The following ANKRD26 variants were observed in gnomAD, a reference collection of about 807,000 sequenced individuals.
The protein encoded by ANKRD26 is ankyrin repeat domain 26, also known as ankyrin repeat domain-containing protein 26.
ANKRD26 carries 141 observed loss-of-function variants against 208.7 expected under a neutral mutation model. That is an observed-to-expected ratio of 0.68 (90% confidence interval 0.59 to 0.78). The LOEUF (loss-of-function observed/expected upper bound fraction) is 0.78. ANKRD26 is among the 30% of genes least tolerant of loss of function. The pLI, the probability that ANKRD26 is intolerant of heterozygous loss-of-function variation, is 0.00. For synonymous variants in ANKRD26, 636 were observed against 660.4 expected, an observed-to-expected ratio of 0.96 and a Z score of 0.57; for missense variants, 1,889 against 1,938.7, an observed-to-expected ratio of 0.97 and a Z score of 0.48.
intron 16 of ANKRD26, chr10:27,051,438 C>CAGTTAGTGGTAT: frequency 9.2e-7 from 1 of 1,090,164 alleles, no homozygotes; most frequent in Non-Finnish European, 1.1e-6. Flanking sequence ...GTCTAATTTC[C>CAGTTAGTGGTAT]AGTTAGTGGT....
chr10:26,950,644 C>T, the ANKRD26 span, among the ~76,000 whole-genome samples: 11 of 152,264 alleles, frequency 7.2e-5, no homozygotes, highest in Non-Finnish European at 1.3e-4. Flanking sequence ...CCTGCTCCCA[C>T]TTTGCCTTTT....
intron 1 of ANKRD26, among the ~76,000 whole-genome samples, chr10:27,099,555 T>C (rs1483323418): frequency 9.5e-6 from 1 of 105,242 alleles, no homozygotes; most frequent in Non-Finnish European, 2.1e-5. Flanking sequence ...GCTGAGACTA[T>C]TAGAGTTGGG....
rs749036286 is a variant in ANKRD26 at position 27,037,139 on chromosome 10, A to G, written c.2697+47T>C. The G allele has an allele frequency of 2.5e-6, 4 of 1,585,380 alleles. No homozygotes were observed. In the South Asian group the frequency reaches 4.5e-5, roughly 18 times the overall value. On this transcript the variant is annotated intron_variant, in intron 23 of 33. Coordinates refer to ENST00000376087, the MANE Select transcript of ANKRD26 (RefSeq NM_014915.3). ...GTTTTTAAAATATATACACATATAA[A>G]TACATATACACACATATTTGAAAAT...
intron 33 of ANKRD26, 106 bp downstream of exon 33, chr10:27,006,811 G>T: frequency 1.2e-6 from 1 of 841,714 alleles, no homozygotes. Context: ...ATTTAATGTA[G>T]TATCTATTAG....
intron 5 of ANKRD26, chr10:26,994,984 G>A (rs908567137): frequency 1.7e-5 from 8 of 460,208 alleles, no homozygotes; most frequent in Non-Finnish European, 2.7e-5. Context: ...GGAAATCACA[G>A]CATATCCTGC....
intron 12 of ANKRD26, among the ~76,000 whole-genome samples, chr10:27,062,893 AAGTAGCT>A: frequency 6.6e-6 from 1 of 151,518 alleles, no homozygotes; most frequent in East Asian, 1.9e-4. Context: ...TGAGCCTCCC[AAGTAGCT>A]AGGATTACAG....
chr10:26,954,924 TGCGGGATCTATA>T, the ANKRD26 span, among the ~76,000 whole-genome samples: 4 of 150,122 alleles, frequency 2.7e-5, no homozygotes, highest in South Asian at 4.3e-4. Flanking sequence ...AGCTATCAAA[TGCGGGATCTATA>T]GCAGTTTTGT....
intron 29 of ANKRD26, 97 bp from the exon 30 acceptor site, chr10:27,017,889 C>A: frequency 2.6e-6 from 3 of 1,146,132 alleles, no homozygotes; most frequent in Non-Finnish European, 2.5e-6. Flanking sequence ...AATTCAGTTG[C>A]AATAAAATGT....
chr10:27,024,613 C>G (rs1484236052), intron 27 of ANKRD26, 54 bp from the exon 28 acceptor site: 2 of 1,036,684 alleles, frequency 1.9e-6, no homozygotes, highest in Admixed American at 1.8e-5. Context: ...CACTTTTTTT[C>G]TTAAAACTAT....
In ANKRD26 at chr10:27,032,226, C is replaced by T. The variant is rs569017354; in HGVS notation, c.3807+999G>A. Among the ~76,000 whole-genome samples, 52 of 152,250 alleles carry T rather than the reference C, an allele frequency of 3.4e-4. 1 individual carries two copies. Among genetic ancestry groups the T allele is most frequent in the Admixed American group, 9.8e-4 (15 of 15,298 alleles). On this transcript the variant is annotated intron_variant, in intron 25 of 33. Coordinates refer to ENST00000376087, the MANE Select transcript of ANKRD26 (RefSeq NM_014915.3). ...AAGAGTTTAATAAACAAGATGGGTG[C>T]GGTGGCTCACATCTGTAATCCTAGC... is the stretch of plus-strand genomic sequence containing the variant.
At chr10:27,032,579 T>C (rs545669444) in intron 25 of ANKRD26, among the ~76,000 whole-genome samples, 2 of 150,828 alleles carry the variant, frequency 1.3e-5, no homozygotes, top group African/African-American at 4.9e-5. Context: ...GAGGTTGCAG[T>C]GAGCCAAAAT....
intron 4 of ANKRD26, among the ~76,000 whole-genome samples, chr10:26,995,772 C>T (rs1485551574): frequency 6.6e-6 from 1 of 152,068 alleles, no homozygotes; most frequent in Non-Finnish European, 1.5e-5. Context: ...CCCTTATTGG[C>T]TAATTGTGTG....
At chr10:26,961,555 G>A in the ANKRD26 span, among the ~76,000 whole-genome samples, 1 of 152,100 alleles carries the variant, frequency 6.6e-6, no homozygotes, top group African/African-American at 2.4e-5. Context: ...TATAAACTGG[G>A]GAGTATTGGC....
intron 16 of ANKRD26, among the ~76,000 whole-genome samples, chr10:27,050,861 T>A (rs1051987571): frequency 6.6e-6 from 1 of 152,212 alleles, no homozygotes; most frequent in Admixed American, 6.5e-5. Context: ...ACTTCTTAGG[T>A]TGATTAAGGA....
intron 21 of ANKRD26, among the ~76,000 whole-genome samples, chr10:27,039,322 C>T (rs1270757619): frequency 2.6e-5 from 4 of 151,968 alleles, no homozygotes; most frequent in African/African-American, 4.8e-5. Flanking sequence ...GGCATGGTGG[C>T]GTGCGCCTGT....
chr10:27,016,088 T>A (rs1266650876), intron 30 of ANKRD26, among the ~76,000 whole-genome samples: 1 of 152,116 alleles, frequency 6.6e-6, no homozygotes, highest in Non-Finnish European at 1.5e-5. Context: ...TGGGCTTACA[T>A]GATCCTCTCA....
intron 12 of ANKRD26, among the ~76,000 whole-genome samples, chr10:27,061,662 G>T (rs1432451564): frequency 6.6e-6 from 1 of 150,700 alleles, no homozygotes; most frequent in African/African-American, 2.4e-5. Context: ...AACCTCCCAG[G>T]CTCAAGCAAT....
At chr10:27,059,876 C>G (rs1320655502) in intron 15 of ANKRD26, among the ~76,000 whole-genome samples, 3 of 149,096 alleles carry the variant, frequency 2.0e-5, no homozygotes, top group Non-Finnish European at 4.4e-5. Context: ...GCCTGGGCAA[C>G]AGAGTGAGAC....
intron 9 of ANKRD26, among the ~76,000 whole-genome samples, chr10:27,074,460 C>T (rs1295384560): frequency 2.0e-5 from 3 of 152,266 alleles, no homozygotes; most frequent in Admixed American, 6.5e-5. Flanking sequence ...GTGGGTGGAT[C>T]GCTTGAGGTC....
Sources: allele counts gnomAD v4.1 joint callset (sites outside exome capture counted in the v4.1 genomes callset), GRCh38; gene constraint gnomAD v4.1.1; transcripts MANE v1.5; gene names NCBI Gene and HGNC (gene_info 2026-07-23, HGNC 2026-07-21).